Variants in CTNNA2 observed in about 807,000 individuals in gnomAD.
The protein encoded by CTNNA2 is catenin alpha-2.
Under a neutral mutation model 101.0 loss-of-function variants are expected in CTNNA2, and 42 were observed. The ratio of observed to expected loss-of-function variants is 0.42; its 90% CI spans 0.32 to 0.54. The LOEUF (loss-of-function observed/expected upper bound fraction) is 0.54. CTNNA2 is among the 20% of genes least tolerant of loss of function. The probability of loss-of-function intolerance (pLI) is 0.14; values close to 1 mark genes in which losing one functional copy is unlikely to be tolerated. For missense variants in CTNNA2, 871 were observed against 1,223.1 expected, an observed-to-expected ratio of 0.71 and a Z score of 4.29; for synonymous variants, 450 against 456.4, an observed-to-expected ratio of 0.99 and a Z score of 0.18.
chr2:79,695,958 T>A (rs927025086), intron 2 of CTNNA2, among the ~76,000 whole-genome samples: 1 of 152,016 alleles, frequency 6.6e-6, no homozygotes, highest in East Asian at 1.9e-4. Flanking sequence ...ATGGCTAAAC[T>A]TTTATTTTTT....
intron 7 of CTNNA2, among the ~76,000 whole-genome samples, chr2:79,963,878 A>G (rs1689836661): frequency 6.6e-6 from 1 of 152,208 alleles, no homozygotes; most frequent in South Asian, 2.1e-4. Context: ...AGTAGCGTTT[A>G]TCTTTCTGAC....
rs144327480 is a variant in CTNNA2 at position 79,766,224 on chromosome 2, C to T, written c.298+21642C>T. On this transcript the variant is annotated intron_variant, in intron 3 of 18. Coordinates refer to ENST00000402739, the MANE Select transcript of CTNNA2 (RefSeq NM_001282597.3). ...TTGTAGGACAGGTCTGGTGTTAATG[C>T]GGTCCGTGAGCTTTTGTCTGTCTGG... Among the ~76,000 whole-genome samples the T allele has an allele frequency of 5.9e-5, 9 of 152,274 alleles. No homozygotes were observed. The East Asian group carries it at 1.7e-3, about 29-fold the overall frequency.
intron 4 of CTNNA2, among the ~76,000 whole-genome samples, chr2:79,453,722 G>A (rs1313124111): frequency 6.6e-6 from 1 of 152,112 alleles, no homozygotes; most frequent in Non-Finnish European, 1.5e-5. Context: ...GACAAGCTTA[G>A]TATTCTGCCA....
chr2:80,092,207 A>G (rs1194486044), intron 7 of CTNNA2, among the ~76,000 whole-genome samples: 1 of 152,248 alleles, frequency 6.6e-6, no homozygotes, highest in Admixed American at 6.5e-5. Flanking sequence ...GTGGCCTCCT[A>G]GAACAAGGCA....
chr2:79,573,231 C>T lies in CTNNA2; in HGVS notation c.-6+60024C>T, dbSNP rs986460937. 3.9e-5 allele frequency among the ~76,000 whole-genome samples: 6 copies of T among 152,148 alleles called. 1 individual carries two copies. The highest frequency in any genetic ancestry group is 2.1e-4 in the South Asian group (1 of 4,832). On this transcript the variant is annotated intron_variant, in intron 1 of 18. Transcript: ENST00000402739. Reference sequence around the variant, plus strand: ...AGCAAGAGAATGCTATTCCTTACAACGAACTTTTTTTGTCAATATCCTTTT... The same window carrying T: ...AGCAAGAGAATGCTATTCCTTACAATGAACTTTTTTTGTCAATATCCTTTT...
At chr2:80,289,694 C>T (rs1267879167) in intron 7 of CTNNA2, among the ~76,000 whole-genome samples, 1 of 152,134 alleles carries the variant, frequency 6.6e-6, no homozygotes, top group African/African-American at 2.4e-5. Context: ...CTGATATGAC[C>T]ATTTTACAGG....
intron 7 of CTNNA2, among the ~76,000 whole-genome samples, chr2:80,025,438 A>G (rs1211669585): frequency 6.6e-6 from 1 of 152,232 alleles, no homozygotes; most frequent in Non-Finnish European, 1.5e-5. Context: ...CGCAAGTTTA[A>G]TAAAGGTGGC....
chr2:79,508,024 C>T (rs1671451350), intron 5 of CTNNA2, among the ~76,000 whole-genome samples: 1 of 152,162 alleles, frequency 6.6e-6, no homozygotes, highest in Non-Finnish European at 1.5e-5. Flanking sequence ...TTCCCATGTC[C>T]TTCCTCAACA....
At chr2:79,711,746 G>A (rs1685753818) in intron 2 of CTNNA2, among the ~76,000 whole-genome samples, 1 of 152,044 alleles carries the variant, frequency 6.6e-6, no homozygotes, top group South Asian at 2.1e-4. Flanking sequence ...ATGCTTTGTT[G>A]GCTGTATAGT....
chr2:80,611,306 AGGAGG>A lies in CTNNA2; in HGVS notation c.2430+3000_2430+3004del, dbSNP rs1453852387. Among the ~76,000 whole-genome samples, 4 of 151,088 alleles carry A rather than the reference AGGAGG, an allele frequency of 2.6e-5. No homozygotes were observed. The Admixed American group carries it at 2.6e-4, about 10-fold the overall frequency. On this transcript the variant is annotated intron_variant, in intron 17 of 18. Transcript: ENST00000402739. ...AATATTGAAAGCAGAAAGAAAGATA[AGGAGG>A]GGAGGGGAGGGTAGAAGAGAAGAGG... is the stretch of plus-strand genomic sequence containing the variant.
chr2:79,481,912 G>A (rs1671113945), intron 4 of CTNNA2, among the ~76,000 whole-genome samples: 2 of 152,118 alleles, frequency 1.3e-5, no homozygotes, highest in Non-Finnish European at 1.5e-5. Flanking sequence ...GAGTAGGCTG[G>A]AGTTTGTTAC....
chr2:80,542,887 C>CG (rs571695596), intron 9 of CTNNA2, among the ~76,000 whole-genome samples: 2 of 150,478 alleles, frequency 1.3e-5, no homozygotes, highest in African/African-American at 4.9e-5. Flanking sequence ...TTCCCCCCCC[C>CG]ACATGCCACT....
chr2:79,628,130 C>T (rs963876969), intron 1 of CTNNA2, among the ~76,000 whole-genome samples: 4 of 152,074 alleles, frequency 2.6e-5, no homozygotes, highest in Admixed American at 6.6e-5. Context: ...ATTCCAGAAA[C>T]GTGTTTTTTA....
At chr2:79,678,836 G>A (rs975180632) in intron 2 of CTNNA2, among the ~76,000 whole-genome samples, 2 of 152,116 alleles carry the variant, frequency 1.3e-5, no homozygotes, top group Admixed American at 1.3e-4. Context: ...AGGCCTTTGG[G>A]CATTCTTGAA....
chr2:80,226,853 C>G (rs1238524681), intron 7 of CTNNA2, among the ~76,000 whole-genome samples: 1 of 152,170 alleles, frequency 6.6e-6, no homozygotes, highest in East Asian at 1.9e-4. Flanking sequence ...TCCCCTCCAG[C>G]TCATCTCCAG....
chr2:80,097,967 C>T (rs544473669), intron 7 of CTNNA2, among the ~76,000 whole-genome samples: 5 of 152,230 alleles, frequency 3.3e-5, no homozygotes, highest in South Asian at 4.2e-4. Flanking sequence ...TCCTTTAGCT[C>T]GGAGTAGTTC....
At chr2:79,999,019 G>A (rs1263763122) in intron 7 of CTNNA2, among the ~76,000 whole-genome samples, 1 of 151,930 alleles carries the variant, frequency 6.6e-6, no homozygotes, top group African/African-American at 2.4e-5. Flanking sequence ...GTTCCTGGAT[G>A]TGTTGTTTCT....
At chr2:80,083,910 T>G (rs1699297229) in intron 7 of CTNNA2, among the ~76,000 whole-genome samples, 1 of 152,108 alleles carries the variant, frequency 6.6e-6, no homozygotes. Context: ...AAGTGGATCA[T>G]AATCTCAAAA....
chr2:79,743,540 T>TA (rs1332849419), intron 2 of CTNNA2, among the ~76,000 whole-genome samples: 18 of 145,526 alleles, frequency 1.2e-4, no homozygotes, highest in East Asian at 5.9e-4. Context: ...TTATTTATTT[T>TA]TTTTTTTTTT....
Sources: gnomAD v4.1 joint callset for allele counts (sites outside exome capture counted in the v4.1 genomes callset) on GRCh38, gnomAD v4.1.1 for gene constraint, MANE v1.5 for transcripts, NCBI Gene and HGNC (gene_info 2026-07-23, HGNC 2026-07-21) for gene names.